The following PLAC8 variants were observed in gnomAD, a reference collection of about 807,000 sequenced individuals.
The protein encoded by PLAC8 is placenta-specific gene 8 protein.
In PLAC8, 6 loss-of-function variants were observed where a neutral mutation model predicts 12.6. The observed-to-expected ratio is 0.48, with a 90% CI of 0.26 to 0.94. The LOEUF is 0.94. Ranked by LOEUF, PLAC8 falls within the 40% of genes least tolerant of loss-of-function variation. The pLI, the probability that PLAC8 is intolerant of heterozygous loss-of-function variation, is 0.14. For synonymous variants in PLAC8, 54 were observed against 52.6 expected (o/e 1.03, Z -0.11); for missense variants, 122 against 152.7 (o/e 0.80, Z 1.06).
chr4:83,111,673 T>C (rs574373909), intron 1 of PLAC8, among the ~76,000 whole-genome samples: 1 of 152,208 alleles, frequency 6.6e-6, no homozygotes, highest in African/African-American at 2.4e-5. Context: ...AAGAAGCCTA[T>C]ATTCTGTTTT....
At chr4:83,091,868 T>C (rs1731815440) in intron 4 of PLAC8, among the ~76,000 whole-genome samples, 1 of 152,174 alleles carries the variant, frequency 6.6e-6, no homozygotes, top group Non-Finnish European at 1.5e-5. Flanking sequence ...TATTCAGTCA[T>C]TTATGTCAGC....
chr4:83,110,725 G>A lies in PLAC8; in HGVS notation c.-29-2775C>T, dbSNP rs575001015. 1.1e-4 allele frequency among the ~76,000 whole-genome samples: 17 copies of A among 152,358 alleles called. No individual in the cohort carries two copies. The South Asian group carries it at 3.3e-3, about 30-fold the overall frequency. ...CACCTGACTCTGCAGACCTCCACAG[G>A]TGGGGACCAGATCTTCCCTAAATCC... is the stretch of plus-strand genomic sequence containing the variant. On this transcript the variant is annotated intron_variant, in intron 1 of 4. Coordinates refer to ENST00000311507, the MANE Select transcript of PLAC8 (RefSeq NM_016619.3).
At chr4:83,104,765 A>G in intron 3 of PLAC8, 131 bp downstream of exon 3, 1 of 983,116 alleles carries the variant, frequency 1.0e-6, no homozygotes, top group Non-Finnish European at 1.6e-6. Context: ...AACTGAATGC[A>G]AGATTGCACA....
intron 2 of PLAC8, 126 bp from the exon 3 acceptor site, chr4:83,105,146 C>T (rs1207631135): frequency 2.0e-6 from 2 of 1,007,734 alleles, no homozygotes; most frequent in African/African-American, 1.6e-5. Context: ...GCTGCTAAGT[C>T]CATCTTCAAT....
intron 4 of PLAC8, 89 bp downstream of exon 4, chr4:83,094,589 A>G (rs985598913): frequency 1.4e-6 from 1 of 707,152 alleles, no homozygotes; most frequent in African/African-American, 1.9e-5. Flanking sequence ...TTATTGCTGA[A>G]TTATTCAAAA....
intron 1 of PLAC8, among the ~76,000 whole-genome samples, chr4:83,111,964 C>T (rs1480479684): frequency 6.6e-6 from 1 of 151,784 alleles, no homozygotes; most frequent in Admixed American, 6.6e-5. Flanking sequence ...AGGCTGAGGT[C>T]GGGAGTTCGA....
intron 3 of PLAC8, among the ~76,000 whole-genome samples, chr4:83,095,180 C>T (rs929983279): frequency 2.0e-5 from 3 of 152,144 alleles, no homozygotes; most frequent in African/African-American, 7.2e-5. Context: ...GAGTCTAATA[C>T]AGGAGAGAAG....
Position 83,107,365 on chromosome 4 carries a change from A to C in PLAC8, c.118+439T>G, listed in dbSNP as rs180789202. ...CTCTGAACGCATATGGAAACCATGA[A>C]TCTAACCCTTGGGTACTGGACACAA... On this transcript the variant is annotated intron_variant, in intron 2 of 4. Coordinates refer to ENST00000311507, the MANE Select transcript of PLAC8 (RefSeq NM_016619.3). 4.6e-3 allele frequency among the ~76,000 whole-genome samples: 702 copies of C among 152,184 alleles called. 5 individuals are homozygous for C. The highest frequency in any genetic ancestry group is 0.015 in the African/African-American group (643 of 41,544).
At chr4:83,092,638 C>T (rs960151908) in intron 4 of PLAC8, among the ~76,000 whole-genome samples, 10 of 152,084 alleles carry the variant, frequency 6.6e-5, no homozygotes, top group Admixed American at 1.3e-4. Context: ...ATTCAGACAT[C>T]GCATGCTAAG....
intron 3 of PLAC8, among the ~76,000 whole-genome samples, chr4:83,103,770 G>T (rs941636203): frequency 1.3e-5 from 2 of 152,150 alleles, no homozygotes; most frequent in Non-Finnish European, 2.9e-5. Flanking sequence ...CTGGGTTCAA[G>T]CAATTCTCCT....
At chr4:83,102,873 T>A (rs985305293) in intron 3 of PLAC8, among the ~76,000 whole-genome samples, 1 of 150,184 alleles carries the variant, frequency 6.7e-6, no homozygotes, top group Admixed American at 6.6e-5. Flanking sequence ...GATCATGAGG[T>A]CAGGAGATTG....
At chr4:83,103,522 C>G (rs190816432) in intron 3 of PLAC8, among the ~76,000 whole-genome samples, 2 of 152,100 alleles carry the variant, frequency 1.3e-5, no homozygotes, top group Non-Finnish European at 2.9e-5. Flanking sequence ...TTGATAAAGC[C>G]GTAACAGGGT....
At chr4:83,096,792 T>C (rs7692926) in intron 3 of PLAC8, among the ~76,000 whole-genome samples, 48,509 of 152,120 alleles carry the variant, frequency 0.32, 7,940 homozygotes, top group East Asian at 0.56. Context: ...GAAATTTCTA[T>C]GTCTTGTTTT....
intron 3 of PLAC8, among the ~76,000 whole-genome samples, chr4:83,103,665 T>G (rs1732166378): frequency 6.7e-6 from 1 of 148,530 alleles, no homozygotes; most frequent in Non-Finnish European, 1.5e-5. Flanking sequence ...CTTATTTGTT[T>G]TTTGTTTTTG....
At chr4:83,094,234 C>T (rs1402349614) in intron 4 of PLAC8, 1 of 152,572 alleles carries the variant, frequency 6.6e-6, no homozygotes, top group Middle Eastern at 3.2e-3. Flanking sequence ...TTTAACCTCA[C>T]CTTGCTATGA....
intron 1 of PLAC8, among the ~76,000 whole-genome samples, chr4:83,112,757 A>C (rs1280371157): frequency 6.6e-6 from 1 of 152,248 alleles, no homozygotes; most frequent in Non-Finnish European, 1.5e-5. Flanking sequence ...GGTATCTTTT[A>C]AGTTGCAACA....
intron 2 of PLAC8, 52 bp downstream of exon 2, chr4:83,107,752 T>A: frequency 9.4e-7 from 1 of 1,062,206 alleles, no homozygotes; most frequent in Admixed American, 2.0e-5. Flanking sequence ...GATTGAGTCA[T>A]TGGTAATTCA....
intron 1 of PLAC8, among the ~76,000 whole-genome samples, chr4:83,112,806 C>G (rs1473543703): frequency 6.6e-6 from 1 of 152,200 alleles, no homozygotes. Context: ...GTTGCTTGTT[C>G]AAACAACCAC....
intron 3 of PLAC8, among the ~76,000 whole-genome samples, chr4:83,102,210 T>A (rs1349518653): frequency 6.6e-6 from 1 of 152,086 alleles, no homozygotes; most frequent in Non-Finnish European, 1.5e-5. Context: ...GTGGAAATGA[T>A]TAATAATTTT....
Sources: allele counts gnomAD v4.1 joint callset (sites outside exome capture counted in the v4.1 genomes callset), GRCh38; gene constraint gnomAD v4.1.1; transcripts MANE v1.5; gene names NCBI Gene and HGNC (gene_info 2026-07-23, HGNC 2026-07-21).